Variants in FTO observed in about 807,000 individuals in gnomAD.
FTO encodes FTO alpha-ketoglutarate dependent dioxygenase.
Under a neutral mutation model 63.9 loss-of-function variants are expected in FTO, and 47 were observed. The ratio of observed to expected loss-of-function variants is 0.74; its 90% CI spans 0.58 to 0.94. The LOEUF (loss-of-function observed/expected upper bound fraction) is 0.94, where lower values mean the gene tolerates loss of function less well. Among genes scored for constraint, FTO ranks in the 40% least tolerant of loss-of-function variants. FTO has a pLI of 0.00. For synonymous variants in FTO, 207 were observed against 224.4 expected (o/e 0.92, Z 0.69); for missense variants, 562 against 618.1 (o/e 0.91, Z 0.96).
chr16:53,828,465 C>G (rs920533733), intron 3 of FTO, among the ~76,000 whole-genome samples: 1 of 152,144 alleles, frequency 6.6e-6, no homozygotes, highest in Non-Finnish European at 1.5e-5. Flanking sequence ...CCTCGGCCTC[C>G]CAAAGTGCTG....
chr16:53,788,035 G>A (rs2077796104), intron 1 of FTO, among the ~76,000 whole-genome samples: 1 of 152,152 alleles, frequency 6.6e-6, no homozygotes, highest in Non-Finnish European at 1.5e-5. Flanking sequence ...AGAGTAGCAG[G>A]ATTGGTGTTG....
intron 7 of FTO, among the ~76,000 whole-genome samples, chr16:53,921,256 C>G (rs188401047): frequency 2.0e-5 from 3 of 152,292 alleles, no homozygotes; most frequent in Admixed American, 1.3e-4. Flanking sequence ...CTTCCCCTCT[C>G]CCCCAGTGTT....
intron 1 of FTO, among the ~76,000 whole-genome samples, chr16:53,732,331 A>G (rs1286718800): frequency 1.3e-5 from 2 of 152,144 alleles, no homozygotes; most frequent in Non-Finnish European, 2.9e-5. Flanking sequence ...GATTACAAGC[A>G]TGAGCCACCA....
At chr16:53,792,022 G>C (rs370619510) in intron 1 of FTO, among the ~76,000 whole-genome samples, 1 of 151,120 alleles carries the variant, frequency 6.6e-6, no homozygotes, top group South Asian at 2.1e-4. Flanking sequence ...CTTGCAGTGA[G>C]CCGAGATTGC....
At chr16:54,013,647 A>G (rs1218739151) in intron 8 of FTO, 1 of 152,038 alleles carries the variant, frequency 6.6e-6, no homozygotes, top group African/African-American at 2.4e-5. Context: ...AACAACCACC[A>G]CCCCAATCCA....
At chr16:53,810,096 G>A (rs776478628) in intron 1 of FTO, 44 bp from the exon 2 acceptor site, 2 of 1,284,676 alleles carry the variant, frequency 1.6e-6, no homozygotes, top group Non-Finnish European at 2.3e-6. Context: ...TCTTACTTTG[G>A]GTTATTGCAT....
At chr16:53,874,210 A>G (rs138909727) in intron 5 of FTO, among the ~76,000 whole-genome samples, 1 of 152,300 alleles carries the variant, frequency 6.6e-6, no homozygotes, top group African/African-American at 2.4e-5. Context: ...GCAGATTTTT[A>G]TGCTTGTGCA....
intron 4 of FTO, among the ~76,000 whole-genome samples, chr16:53,857,356 G>A (rs995897347): frequency 2.0e-5 from 3 of 151,966 alleles, no homozygotes; most frequent in Admixed American, 6.6e-5. Flanking sequence ...CTTTTCCTGC[G>A]TGAATTCACT....
intron 2 of FTO, among the ~76,000 whole-genome samples, chr16:53,814,358 T>C (rs541525154): frequency 1.3e-5 from 2 of 152,322 alleles, no homozygotes; most frequent in African/African-American, 4.8e-5. Context: ...ACCCCCTTGC[T>C]GTCACTGATT....
intron 4 of FTO, among the ~76,000 whole-genome samples, chr16:53,853,955 C>T (rs1237152567): frequency 6.6e-6 from 1 of 152,100 alleles, no homozygotes; most frequent in Non-Finnish European, 1.5e-5. Context: ...ATAAGCACTC[C>T]CTTTTCACTA....
At chr16:53,851,498 A>G (rs906241883) in intron 4 of FTO, among the ~76,000 whole-genome samples, 5 of 151,948 alleles carry the variant, frequency 3.3e-5, no homozygotes, top group African/African-American at 1.2e-4. Context: ...GAGAAATAAT[A>G]CATGAACACA....
chr16:54,009,013 C>T (rs1006820936), intron 8 of FTO, among the ~76,000 whole-genome samples: 1 of 151,464 alleles, frequency 6.6e-6, no homozygotes, highest in South Asian at 2.1e-4. Context: ...CCCTGTCCCC[C>T]CCCCAAAAAA....
chr16:53,784,511 A>C (rs2077681368), intron 1 of FTO, among the ~76,000 whole-genome samples: 2 of 152,216 alleles, frequency 1.3e-5, no homozygotes, highest in Admixed American at 1.3e-4. Flanking sequence ...ATAGCCAGGC[A>C]TAGCTCAGCA....
intron 8 of FTO, among the ~76,000 whole-genome samples, chr16:53,975,639 T>A (rs2083418642): frequency 1.3e-5 from 2 of 151,414 alleles, no homozygotes; most frequent in African/African-American, 4.9e-5. Flanking sequence ...TCTACGAATC[T>A]TACCCTCATC....
chr16:54,100,839 T>A (rs1431152072), intron 8 of FTO, among the ~76,000 whole-genome samples: 1 of 152,168 alleles, frequency 6.6e-6, no homozygotes, highest in Non-Finnish European at 1.5e-5. Context: ...GCTGTGAGGA[T>A]CACACATGCT....
At chr16:53,922,419 A>T (rs1272461348) in intron 7 of FTO, among the ~76,000 whole-genome samples, 2 of 152,196 alleles carry the variant, frequency 1.3e-5, no homozygotes, top group African/African-American at 4.8e-5. Context: ...AGTTTCCCAT[A>T]TATGGTGTCT....
intron 1 of FTO, among the ~76,000 whole-genome samples, chr16:53,756,436 G>A (rs187213954): frequency 6.6e-6 from 1 of 152,156 alleles, no homozygotes; most frequent in African/African-American, 2.4e-5. Context: ...TCTATTCAGT[G>A]CTTTTGGGCC....
intron 1 of FTO, among the ~76,000 whole-genome samples, chr16:53,794,507 C>A (rs955368806): frequency 1.3e-5 from 2 of 152,140 alleles, no homozygotes; most frequent in Non-Finnish European, 2.9e-5. Flanking sequence ...TGAAAGTTTA[C>A]CACTTGAAAT....
intron 8 of FTO, among the ~76,000 whole-genome samples, chr16:53,995,233 C>T (rs1441178638): frequency 2.0e-5 from 3 of 152,210 alleles, no homozygotes; most frequent in Non-Finnish European, 2.9e-5. Context: ...CCGTTGAGGG[C>T]GAAGTTGTCT....
Sources: gnomAD v4.1 joint callset for allele counts (sites outside exome capture counted in the v4.1 genomes callset) on GRCh38, gnomAD v4.1.1 for gene constraint, MANE v1.5 for transcripts, NCBI Gene and HGNC (gene_info 2026-07-23, HGNC 2026-07-21) for gene names.